The following ATP2C2 variants were observed in gnomAD, a reference collection of about 807,000 sequenced individuals.
The protein encoded by ATP2C2 is calcium-transporting ATPase type 2C member 2.
ATP2C2 carries 171 observed loss-of-function variants against 110.8 expected under a neutral mutation model. That is an observed-to-expected ratio of 1.54 (90% CI 1.36 to 1.75). ATP2C2 has a LOEUF of 1.75. Ranked by LOEUF, ATP2C2 falls within the 40% of genes most tolerant of loss-of-function variation. ATP2C2 has a pLI of 0.00. For synonymous variants in ATP2C2, 804 were observed against 508.4 expected, an observed-to-expected ratio of 1.58 and a Z score of -7.82; for missense variants, 1,963 against 1,235.0, an observed-to-expected ratio of 1.59 and a Z score of -8.84.
intron 12 of ATP2C2, 37 bp downstream of exon 12, chr16:84,439,327 A>C: frequency 1.9e-6 from 3 of 1,613,554 alleles, no homozygotes; most frequent in South Asian, 1.1e-5. Flanking sequence ...TTACACGTGG[A>C]ATTGAATGGG....
At chr16:84,371,439 AG>A (rs1450563962) in intron 1 of ATP2C2, among the ~76,000 whole-genome samples, 1 of 152,180 alleles carries the variant, frequency 6.6e-6, no homozygotes, top group East Asian at 1.9e-4. Context: ...TGGGAGGTCA[AG>A]GCTGCAGTGA....
chr16:84,380,271 T>C (rs928733204), intron 1 of ATP2C2, among the ~76,000 whole-genome samples: 6 of 152,218 alleles, frequency 3.9e-5, no homozygotes, highest in African/African-American at 1.4e-4. Context: ...AGTGACAGTT[T>C]TGCCTTCACT....
intron 11 of ATP2C2, among the ~76,000 whole-genome samples, chr16:84,431,765 C>G (rs1908303130): frequency 6.6e-6 from 1 of 152,112 alleles, no homozygotes; most frequent in African/African-American, 2.4e-5. Context: ...ATCATCAGAG[C>G]CTTTCCCAAT....
At chr16:84,437,314 C>T (rs8049930) in intron 11 of ATP2C2, among the ~76,000 whole-genome samples, 1 of 151,746 alleles carries the variant, frequency 6.6e-6, no homozygotes. Context: ...CTACCTCAGC[C>T]TCCTCAGTAG....
chr16:84,446,009 G>T (rs1909715079), intron 15 of ATP2C2, among the ~76,000 whole-genome samples: 1 of 152,224 alleles, frequency 6.6e-6, no homozygotes, highest in Non-Finnish European at 1.5e-5. Context: ...GACTCAGGGG[G>T]TTCCGTCTGA....
chr16:84,460,658 G>A lies in ATP2C2; in HGVS notation c.2338G>A (p.Gly780Arg), dbSNP rs141229929. 6.9e-5 allele frequency: 112 copies of A among 1,614,080 alleles called. 1 individual carries two copies. In the Admixed American group the frequency reaches 1.8e-3, roughly 26 times the overall value. ...TCTGTGTCTTGTTCGGAGCAGCTTG[G>A]GGGTAGAGCCCGTTGACAAAGACGC... ...IMDGPPAQSL[G>R]VEPVDKDAFR... Residue 780 changes from glycine to arginine, a missense_variant, in exon 24 of 27, where the codon GGG (glycine) becomes AGG (arginine). Transcript: ENST00000262429.
chr16:84,460,866 G>C, intron 24 of ATP2C2, 65 bp downstream of exon 24: 1 of 1,517,666 alleles, frequency 6.6e-7, no homozygotes, highest in Non-Finnish European at 8.9e-7. Context: ...GGGGACTGCA[G>C]TCCCTGCCCT....
At chr16:84,416,527 ACCCC>A (rs1447344743) in intron 7 of ATP2C2, among the ~76,000 whole-genome samples, 1 of 151,988 alleles carries the variant, frequency 6.6e-6, no homozygotes, top group Non-Finnish European at 1.5e-5. Flanking sequence ...GTTGGAAGCT[ACCCC>A]CTGGGACCTG....
intron 1 of ATP2C2, among the ~76,000 whole-genome samples, chr16:84,388,598 A>T (rs1285222025): frequency 6.6e-6 from 1 of 152,192 alleles, no homozygotes; most frequent in Non-Finnish European, 1.5e-5. Flanking sequence ...AGAAGGAAGC[A>T]TCTGCCTGAG....
At chr16:84,415,232 G>A (rs1038998799) in intron 6 of ATP2C2, among the ~76,000 whole-genome samples, 4 of 152,136 alleles carry the variant, frequency 2.6e-5, no homozygotes, top group South Asian at 2.1e-4. Flanking sequence ...TGTGGCCCAC[G>A]TGGTTTCCAG....
intron 1 of ATP2C2, among the ~76,000 whole-genome samples, chr16:84,393,891 C>T (rs111761751): frequency 4.0e-4 from 60 of 151,846 alleles, no homozygotes; most frequent in Middle Eastern, 3.4e-3. Flanking sequence ...CATGGTGGCT[C>T]ACACCTGTAA....
At chr16:84,450,608 C>T (rs1910169805) in intron 17 of ATP2C2, among the ~76,000 whole-genome samples, 1 of 152,102 alleles carries the variant, frequency 6.6e-6, no homozygotes, top group Non-Finnish European at 1.5e-5. Context: ...GGAAGGGCGC[C>T]AGCGTCATTG....
intron 2 of ATP2C2, among the ~76,000 whole-genome samples, chr16:84,401,827 C>G (rs148719251): frequency 6.6e-6 from 1 of 152,064 alleles, no homozygotes; most frequent in Non-Finnish European, 1.5e-5. Context: ...TTTTGTGGTT[C>G]CATATAAATT....
intron 6 of ATP2C2, 21 bp downstream of exon 6, chr16:84,410,786 G>A (rs1312791929): frequency 2.5e-6 from 4 of 1,611,026 alleles, no homozygotes; most frequent in Non-Finnish European, 3.4e-6. Flanking sequence ...GCCTCCCTGG[G>A]ACTTTTTGGT....
intron 6 of ATP2C2, 45 bp downstream of exon 6, chr16:84,410,810 C>T: frequency 6.4e-7 from 1 of 1,570,576 alleles, no homozygotes; most frequent in East Asian, 2.2e-5. Context: ...CTGGAGGAGC[C>T]AGGGAGCTGG....
intron 7 of ATP2C2, among the ~76,000 whole-genome samples, chr16:84,421,157 T>C (rs17741623): frequency 0.24 from 36,055 of 152,160 alleles, 4,596 homozygotes; most frequent in Non-Finnish European, 0.29. Context: ...GAATGTTCTT[T>C]GAGCCTCCTT....
intron 23 of ATP2C2, chr16:84,459,942 G>C (rs1238564698): frequency 7.5e-6 from 2 of 267,974 alleles, no homozygotes; most frequent in Non-Finnish European, 1.5e-5. Flanking sequence ...TCAACAAGCT[G>C]GCCAAGTGGT....
chr16:84,377,967 C>T (rs903963754), intron 1 of ATP2C2, among the ~76,000 whole-genome samples: 2 of 152,090 alleles, frequency 1.3e-5, no homozygotes, highest in African/African-American at 4.8e-5. Context: ...CTAAGACCTC[C>T]CTGTGGCCTA....
At chr16:84,455,060 G>T in intron 21 of ATP2C2, 76 bp downstream of exon 21, 2 of 1,504,306 alleles carry the variant, frequency 1.3e-6, no homozygotes, top group Non-Finnish European at 1.8e-6. Context: ...ACCTGCTACT[G>T]TGGAGATAGA....
Sources: gnomAD v4.1 joint callset for allele counts (sites outside exome capture counted in the v4.1 genomes callset) on GRCh38, gnomAD v4.1.1 for gene constraint, MANE v1.5 for transcripts, NCBI Gene and HGNC (gene_info 2026-07-23, HGNC 2026-07-21) for gene names.